Variants in SNAP91 observed in about 807,000 individuals in gnomAD.
The protein encoded by SNAP91 is synaptosome associated protein 91, also known as clathrin coat assembly protein AP180.
A neutral mutation model predicts 100.3 loss-of-function variants in SNAP91; 27 were observed. The ratio of observed to expected loss-of-function variants is 0.27; its 90% CI spans 0.20 to 0.37. The LOEUF (loss-of-function observed/expected upper bound fraction) is 0.37, where lower values mean the gene tolerates loss of function less well. Among genes scored for constraint, SNAP91 ranks in the 10% least tolerant of loss-of-function variants. The pLI, the probability that SNAP91 is intolerant of heterozygous loss-of-function variation, is 1.00. For synonymous variants in SNAP91, 404 were observed against 398.6 expected (o/e 1.01, Z -0.16); for missense variants, 986 against 1,123.7 (o/e 0.88, Z 1.75).
chr6:83,671,859 T>C (rs570122745), intron 2 of SNAP91, among the ~76,000 whole-genome samples: 1 of 152,172 alleles, frequency 6.6e-6, no homozygotes, highest in East Asian at 1.9e-4. Context: ...GATAGCTGTT[T>C]ATGACAGGGC....
chr6:83,580,380 A>G (rs550498820), intron 24 of SNAP91, 70 bp downstream of exon 24: 21 of 1,453,550 alleles, frequency 1.4e-5, no homozygotes, highest in Non-Finnish European at 1.7e-5. Flanking sequence ...AGAGAGAGAG[A>G]GAGAGAGAAA....
intron 2 of SNAP91, among the ~76,000 whole-genome samples, chr6:83,687,237 G>C (rs138046845): frequency 6.6e-6 from 1 of 152,216 alleles, no homozygotes; most frequent in African/African-American, 2.4e-5. Context: ...TATGCTTACT[G>C]TATGGTTTTA....
Position 83,593,745 on chromosome 6 carries a change from T to G in SNAP91, c.1433-4A>C, listed in dbSNP as rs752971653. Reference sequence around the variant, plus strand: ...CCTTCAGACGGGGCAAAGGGGTCTTTTGGAAAGGAAAGTGGAGACACACAC... The same window carrying G: ...CCTTCAGACGGGGCAAAGGGGTCTTGTGGAAAGGAAAGTGGAGACACACAC... On this transcript the variant is annotated splice_region_variant and splice_polypyrimidine_tract_variant and intron_variant, in intron 17 of 29. Coordinates refer to ENST00000369694, the MANE Select transcript of SNAP91 (RefSeq NM_001242792.2). 1.3e-6 allele frequency: 2 copies of G among 1,553,106 alleles called. No homozygotes were observed. Among genetic ancestry groups the G allele is most frequent in the African/African-American group, 1.4e-5 (1 of 73,210 alleles).
At chr6:83,597,188 C>G (rs560455753) in intron 16 of SNAP91, among the ~76,000 whole-genome samples, 1 of 152,246 alleles carries the variant, frequency 6.6e-6, no homozygotes, top group African/African-American at 2.4e-5. Context: ...CCACCCCCAG[C>G]TGTTTGAATC....
chr6:83,610,468 G>T (rs2095937165), intron 12 of SNAP91, among the ~76,000 whole-genome samples, 182 bp downstream of exon 12: 1 of 150,642 alleles, frequency 6.6e-6, no homozygotes, highest in Admixed American at 6.6e-5. Context: ...GGGAGGTGGG[G>T]AGTTATTGTT....
intron 7 of SNAP91, among the ~76,000 whole-genome samples, chr6:83,654,511 T>C (rs1320664522): frequency 2.0e-5 from 3 of 152,132 alleles, no homozygotes; most frequent in Admixed American, 6.5e-5. Flanking sequence ...AAAATGTCAC[T>C]ATATGTTTTA....
intron 8 of SNAP91, among the ~76,000 whole-genome samples, chr6:83,631,143 A>G (rs1350377151): frequency 6.6e-6 from 1 of 152,078 alleles, no homozygotes; most frequent in Non-Finnish European, 1.5e-5. Flanking sequence ...ATGTATTTGC[A>G]TGGTTTTGGA....
chr6:83,610,666 G>A lies in SNAP91; in HGVS notation c.896C>T (p.Pro299Leu). Residue 299 changes from proline to leucine, a missense_variant, in exon 12 of 30, where the codon CCC (proline) becomes CTC (leucine). By Grantham distance (98) the Pro-to-Leu change is moderately conservative. Around this residue, in one of 4 missense-constraint regions of SNAP91, gnomAD observed 330 missense variants for 447.5 expected, o/e 0.74. Coordinates refer to ENST00000369694, the MANE Select transcript of SNAP91 (RefSeq NM_001242792.2). ...KPGNNEGSGAPSPLSKSSPAT... is the reference protein window; with the variant it reads ...KPGNNEGSGALSPLSKSSPAT... ...CAAACTTACCTTACTTAATGGAGAG[G>A]GAGCACCAGATCTAAAAGGCAACAT... The A allele has an allele frequency of 1.9e-6, 1 of 520,932 alleles. No homozygotes were observed. Among genetic ancestry groups the A allele is most frequent in the Non-Finnish European group, 3.6e-6 (1 of 278,664 alleles). 32.3% of individuals were successfully genotyped at this position (520,932 alleles called of 1,614,324 possible). A position where few individuals can be genotyped will look rare whatever the true frequency, so the allele number is the denominator to read the frequency against.
intron 13 of SNAP91, 33 bp downstream of exon 13, chr6:83,607,666 A>T (rs1051620851): frequency 1.5e-6 from 2 of 1,310,678 alleles, no homozygotes; most frequent in Non-Finnish European, 1.1e-6. Context: ...ATAAAATATT[A>T]ATAAACAGTT....
intron 2 of SNAP91, among the ~76,000 whole-genome samples, chr6:83,683,416 CGGTAA>C (rs2099019001): frequency 2.0e-5 from 3 of 152,098 alleles, no homozygotes; most frequent in Admixed American, 2.0e-4. Context: ...GCTGTCCTCA[CGGTAA>C]TGAGTTAATT....
At chr6:83,667,210 T>TCACTGATACAGTTTCAGAGTCAAGGTTGC (rs1227075761) in intron 2 of SNAP91, among the ~76,000 whole-genome samples, 4 of 152,078 alleles carry the variant, frequency 2.6e-5, no homozygotes, top group Non-Finnish European at 1.5e-5. Context: ...GATAAACAGT[T>TCACTGATACAGTTTCAGAGTCAAGGTTGC]CACTGATACA....
chr6:83,592,672 G>A, intron 20 of SNAP91, 134 bp from the exon 21 acceptor site: 1 of 751,968 alleles, frequency 1.3e-6, no homozygotes, highest in South Asian at 1.8e-5. Flanking sequence ...TAACAGTTAA[G>A]GAAAAGCAAA....
At chr6:83,596,741 T>C (rs2094516671) in intron 16 of SNAP91, among the ~76,000 whole-genome samples, 1 of 139,818 alleles carries the variant, frequency 7.2e-6, no homozygotes, top group Admixed American at 7.5e-5. Context: ...TATATATATG[T>C]ATATACTTTT....
chr6:83,675,827 A>AACACACACAC (rs373927158), intron 2 of SNAP91, among the ~76,000 whole-genome samples: 7,384 of 138,150 alleles, frequency 0.053, 297 homozygotes, highest in African/African-American at 0.098. Context: ...CACTTGAAGG[A>AACACACACAC]ACACACACAC....
At chr6:83,633,349 T>C (rs1441230566) in intron 8 of SNAP91, among the ~76,000 whole-genome samples, 2 of 152,166 alleles carry the variant, frequency 1.3e-5, no homozygotes, top group Non-Finnish European at 2.9e-5. Flanking sequence ...TTTGTGCTGG[T>C]TGGCCTCCTG....
At chr6:83,591,081 C>G in intron 22 of SNAP91, 130 bp downstream of exon 22, 1 of 626,098 alleles carries the variant, frequency 1.6e-6, no homozygotes, top group South Asian at 2.0e-5. Context: ...ATACTTGTCC[C>G]CTCCCTCAAT....
At position 83,662,334 on chromosome 6, in the gene SNAP91, CA is replaced by C; in HGVS notation, c.349+12del. 1 of 1,324,518 alleles carries C rather than the reference CA, an allele frequency of 7.5e-7. No individual in the cohort carries two copies. Among genetic ancestry groups the C allele is most frequent in the Non-Finnish European group, 1.0e-6 (1 of 996,264 alleles). The allele number at this position is 1,324,518 out of a possible 1,614,324, so 82.0% of individuals were successfully genotyped here. A position where few individuals can be genotyped will look rare whatever the true frequency, so the allele number is the denominator to read the frequency against. Reference sequence around the variant, plus strand: ...AGCATTGGCAAAAAATTATAAAATACAAATATTCTCACCATGGGATCCACTT... The same window carrying C: ...AGCATTGGCAAAAAATTATAAAATACAATATTCTCACCATGGGATCCACTT... On this transcript the variant is annotated intron_variant, in intron 4 of 29. Coordinates refer to ENST00000369694, the MANE Select transcript of SNAP91 (RefSeq NM_001242792.2).
intron 2 of SNAP91, among the ~76,000 whole-genome samples, chr6:83,679,543 C>A (rs1015148206): frequency 2.6e-5 from 4 of 151,990 alleles, no homozygotes; most frequent in Admixed American, 6.6e-5. Context: ...AGGCCCCATC[C>A]CTATCTCTTC....
At chr6:83,650,445 GTC>G (rs2098149601) in intron 7 of SNAP91, among the ~76,000 whole-genome samples, 1 of 151,738 alleles carries the variant, frequency 6.6e-6, no homozygotes, top group Non-Finnish European at 1.5e-5. Flanking sequence ...TTGAGATGGA[GTC>G]TCACTCTGTT....
Sources: allele counts gnomAD v4.1 joint callset (sites outside exome capture counted in the v4.1 genomes callset), GRCh38; gene constraint gnomAD v4.1.1; regional missense constraint gnomAD v4.1.1; transcripts MANE v1.5; gene names NCBI Gene and HGNC (gene_info 2026-07-23, HGNC 2026-07-21).